Variants in ST6GALNAC5 observed in about 807,000 individuals in gnomAD.
The protein encoded by ST6GALNAC5 is alpha-N-acetylgalactosaminide alpha-2,6-sialyltransferase 5.
In ST6GALNAC5, 27 loss-of-function variants were observed where a neutral mutation model predicts 33.6. The observed-to-expected ratio is 0.80, with a 90% CI of 0.59 to 1.11. The LOEUF (loss-of-function observed/expected upper bound fraction) is 1.11, where lower values mean the gene tolerates loss of function less well. ST6GALNAC5 is among the 50% of genes least tolerant of loss of function. The pLI, the probability that ST6GALNAC5 is intolerant of heterozygous loss-of-function variation, is 0.00. For missense variants in ST6GALNAC5, 428 were observed against 454.0 expected, an observed-to-expected ratio of 0.94 and a Z score of 0.52; for synonymous variants, 194 against 171.2, an observed-to-expected ratio of 1.13 and a Z score of -1.04.
intron 2 of ST6GALNAC5, among the ~76,000 whole-genome samples, chr1:76,989,435 T>A (rs949824935): frequency 1.2e-4 from 18 of 152,170 alleles, no homozygotes; most frequent in African/African-American, 4.3e-4. Flanking sequence ...AAGGATTTTT[T>A]TTCCTCCAAA....
At chr1:76,870,923 AT>A (rs1024137872) in intron 2 of ST6GALNAC5, among the ~76,000 whole-genome samples, 66 of 152,310 alleles carry the variant, frequency 4.3e-4, no homozygotes, top group African/African-American at 1.5e-3. Flanking sequence ...CATTATCCCA[AT>A]TGTCCCACTG....
At chr1:76,883,296 A>C (rs146975684) in intron 2 of ST6GALNAC5, among the ~76,000 whole-genome samples, 48 of 152,316 alleles carry the variant, frequency 3.2e-4, no homozygotes, top group African/African-American at 1.2e-3. Flanking sequence ...AGTCTCCCTG[A>C]CTAGGTTTTA....
intron 2 of ST6GALNAC5, among the ~76,000 whole-genome samples, chr1:76,912,966 G>A (rs1453342271): frequency 2.6e-5 from 4 of 151,850 alleles, no homozygotes; most frequent in African/African-American, 9.7e-5. Context: ...TCATTATGAT[G>A]TTAGCTGGTT....
chr1:76,928,525 T>C (rs1331701817), intron 2 of ST6GALNAC5, among the ~76,000 whole-genome samples: 1 of 152,166 alleles, frequency 6.6e-6, no homozygotes, highest in African/African-American at 2.4e-5. Context: ...GTTTCAGAGT[T>C]GTTTGGAAAC....
At chr1:76,899,722 G>A (rs1348968814) in intron 2 of ST6GALNAC5, among the ~76,000 whole-genome samples, 2 of 152,186 alleles carry the variant, frequency 1.3e-5, no homozygotes, top group African/African-American at 2.4e-5. Context: ...GAAAGGAATT[G>A]AAATTAAGAG....
chr1:77,038,564 A>T (rs1651732581), intron 2 of ST6GALNAC5, among the ~76,000 whole-genome samples: 1 of 152,212 alleles, frequency 6.6e-6, no homozygotes, highest in Non-Finnish European at 1.5e-5. Flanking sequence ...TAAAAACGGA[A>T]GCCTGATATT....
In ST6GALNAC5 at chr1:77,040,112, G is replaced by T. The variant is rs180949410; in HGVS notation, c.262-4092G>T. On this transcript the variant is annotated intron_variant, in intron 2 of 4. Coordinates refer to ENST00000477717, the MANE Select transcript of ST6GALNAC5 (RefSeq NM_030965.3). Reference sequence around the variant, plus strand: ...ACTGTACCAAATCATGAGGAACAGGGTCGCACAATTTGTACAATTTTTTGC... The same window carrying T: ...ACTGTACCAAATCATGAGGAACAGGTTCGCACAATTTGTACAATTTTTTGC... Among the ~76,000 whole-genome samples the T allele has an allele frequency of 1.3e-4, 20 of 152,276 alleles. No homozygotes were observed. The East Asian group carries it at 3.9e-3, about 29-fold the overall frequency.
intron 2 of ST6GALNAC5, among the ~76,000 whole-genome samples, chr1:76,903,271 A>C (rs984911080): frequency 1.3e-5 from 2 of 152,224 alleles, no homozygotes; most frequent in Non-Finnish European, 2.9e-5. Context: ...AAATAGACAA[A>C]GCACACGGAA....
chr1:76,947,217 T>C (rs911950733), intron 2 of ST6GALNAC5, among the ~76,000 whole-genome samples: 9 of 152,134 alleles, frequency 5.9e-5, no homozygotes, highest in African/African-American at 1.2e-4. Flanking sequence ...GCTAGCCTAA[T>C]AGCAATATCT....
At chr1:76,998,087 C>A (rs760330294) in intron 2 of ST6GALNAC5, among the ~76,000 whole-genome samples, 9 of 152,282 alleles carry the variant, frequency 5.9e-5, no homozygotes, top group Non-Finnish European at 1.3e-4. Flanking sequence ...GAGGCCTTCA[C>A]AGCTATGCGG....
chr1:77,005,919 A>G (rs1253181152), intron 2 of ST6GALNAC5, among the ~76,000 whole-genome samples: 2 of 152,224 alleles, frequency 1.3e-5, no homozygotes, highest in Non-Finnish European at 2.9e-5. Flanking sequence ...ACTCCATGTT[A>G]TACACATTTT....
At chr1:76,869,076 C>G in intron 2 of ST6GALNAC5, 2 of 252,120 alleles carry the variant, frequency 7.9e-6, no homozygotes, top group Non-Finnish European at 1.5e-5. Flanking sequence ...GTTTGGCCGC[C>G]GAGTCGCTGC....
chr1:77,011,664 T>C (rs1436124620), intron 2 of ST6GALNAC5, among the ~76,000 whole-genome samples: 1 of 152,158 alleles, frequency 6.6e-6, no homozygotes, highest in African/African-American at 2.4e-5. Flanking sequence ...ATATGTAGTA[T>C]GTAGTACAAC....
intron 2 of ST6GALNAC5, among the ~76,000 whole-genome samples, chr1:76,983,633 C>T (rs1557747866): frequency 6.6e-6 from 1 of 152,144 alleles, no homozygotes. Flanking sequence ...ATATCCAGGA[C>T]CTGAACTCAG....
intron 4 of ST6GALNAC5, among the ~76,000 whole-genome samples, chr1:77,056,261 G>A (rs1652391897): frequency 6.6e-6 from 1 of 152,162 alleles, no homozygotes; most frequent in Admixed American, 6.5e-5. Flanking sequence ...CCTATAAATT[G>A]CGTGAAAAGA....
At chr1:76,891,748 A>C (rs557041093) in intron 2 of ST6GALNAC5, among the ~76,000 whole-genome samples, 6 of 152,186 alleles carry the variant, frequency 3.9e-5, no homozygotes, top group Non-Finnish European at 8.8e-5. Context: ...GTTTGAATTA[A>C]TTGTATACAT....
chr1:76,947,813 T>C (rs1006779462), intron 2 of ST6GALNAC5, among the ~76,000 whole-genome samples: 1 of 152,042 alleles, frequency 6.6e-6, no homozygotes, highest in Admixed American at 6.6e-5. Context: ...TGGGCATATG[T>C]ATAACTTCCC....
At chr1:77,034,115 A>G (rs1347516989) in intron 2 of ST6GALNAC5, among the ~76,000 whole-genome samples, 1 of 152,072 alleles carries the variant, frequency 6.6e-6, no homozygotes, top group Non-Finnish European at 1.5e-5. Flanking sequence ...AACCACAGAA[A>G]TTTACTCTCT....
chr1:76,948,116 C>T (rs919127995), intron 2 of ST6GALNAC5, among the ~76,000 whole-genome samples: 1 of 152,092 alleles, frequency 6.6e-6, no homozygotes, highest in Non-Finnish European at 1.5e-5. Context: ...TTATAGCCTG[C>T]AAGGTTGCTG....
Sources: gnomAD v4.1 joint callset for allele counts (sites outside exome capture counted in the v4.1 genomes callset) on GRCh38, gnomAD v4.1.1 for gene constraint, MANE v1.5 for transcripts, NCBI Gene and HGNC (gene_info 2026-07-23, HGNC 2026-07-21) for gene names.